Variants in CDKAL1 observed in about 807,000 individuals in gnomAD.
CDKAL1 encodes the protein CDKAL1 threonylcarbamoyladenosine tRNA methylthiotransferase.
CDKAL1 carries 32 observed loss-of-function variants against 68.2 expected under a neutral mutation model. The ratio of observed to expected loss-of-function variants is 0.47; its 90% CI spans 0.35 to 0.63. The LOEUF (loss-of-function observed/expected upper bound fraction) is 0.63, where lower values mean the gene tolerates loss of function less well. Ranked by LOEUF, CDKAL1 falls within the 30% of genes least tolerant of loss-of-function variation. The pLI, the probability that CDKAL1 is intolerant of heterozygous loss-of-function variation, is 0.00. For synonymous variants in CDKAL1, 234 were observed against 244.3 expected, an observed-to-expected ratio of 0.96 and a Z score of 0.39; for missense variants, 606 against 696.7, an observed-to-expected ratio of 0.87 and a Z score of 1.47.
intron 7 of CDKAL1, among the ~76,000 whole-genome samples, chr6:20,775,384 C>T (rs1051309558): frequency 6.6e-6 from 1 of 152,150 alleles, no homozygotes; most frequent in Non-Finnish European, 1.5e-5. Flanking sequence ...ACAGTAGTCA[C>T]AAAACAAACC....
intron 9 of CDKAL1, among the ~76,000 whole-genome samples, chr6:20,857,768 G>A (rs1475047812): frequency 6.6e-6 from 1 of 152,190 alleles, no homozygotes; most frequent in African/African-American, 2.4e-5. Flanking sequence ...CCATTTATGT[G>A]AGCTAATAAA....
Position 21,069,766 on chromosome 6 carries a change from TTTTC to T in CDKAL1, c.1236+4546_1236+4549del, listed in dbSNP as rs1273879997. 2.4e-3 allele frequency among the ~76,000 whole-genome samples: 262 copies of T among 109,640 alleles called. 15 individuals carry two copies. Among genetic ancestry groups the T allele is most frequent in the East Asian group, 0.024 (56 of 2,354 alleles). 71.9% of individuals were successfully genotyped at this position (109,640 alleles called of 152,430 possible). On this transcript the variant is annotated intron_variant, in intron 12 of 15. Coordinates refer to ENST00000274695, the MANE Select transcript of CDKAL1 (RefSeq NM_017774.3). ...GAATTGCCCAATAAAATCCCCCAGA[TTTTC>T]TTTCTTTTTTTTTTTTTTTTTTTTT...
At chr6:21,081,255 G>T (rs1772384347) in intron 12 of CDKAL1, among the ~76,000 whole-genome samples, 1 of 152,144 alleles carries the variant, frequency 6.6e-6, no homozygotes, top group African/African-American at 2.4e-5. Context: ...CTGAAAGGTG[G>T]CAGGTATTAG....
chr6:20,582,308 C>T (rs1205835218), intron 4 of CDKAL1, among the ~76,000 whole-genome samples: 2 of 152,002 alleles, frequency 1.3e-5, no homozygotes, highest in East Asian at 3.9e-4. Flanking sequence ...CCTCCATTTT[C>T]CCAATGAGAA....
intron 4 of CDKAL1, among the ~76,000 whole-genome samples, chr6:20,608,033 A>G (rs549520672): frequency 4.9e-4 from 74 of 152,318 alleles, no homozygotes; most frequent in African/African-American, 1.7e-3. Context: ...AGCTCAGGGT[A>G]CTTACATCTG....
chr6:20,766,024 G>C lies in CDKAL1; in HGVS notation c.517+7381G>C, dbSNP rs549857501. 6.6e-4 allele frequency among the ~76,000 whole-genome samples: 100 copies of C among 152,202 alleles called. 2 individuals carry two copies. Among genetic ancestry groups the C allele is most frequent in the Non-Finnish European group, 4.6e-4 (31 of 68,014 alleles). On this transcript the variant is annotated intron_variant, in intron 7 of 15. Coordinates refer to ENST00000274695, the MANE Select transcript of CDKAL1 (RefSeq NM_017774.3). ...ACTTTACATTTATCAAGTATTTTTA[G>C]CCATTAAGGCTTTTAGAACACAAAT...
intron 11 of CDKAL1, among the ~76,000 whole-genome samples, chr6:21,034,893 G>C (rs1252592453): frequency 6.6e-6 from 1 of 152,012 alleles, no homozygotes; most frequent in Non-Finnish European, 1.5e-5. Flanking sequence ...AAAGGCACAA[G>C]GTGTAAAAAT....
rs114725570 is a variant in CDKAL1, at chr6:20,969,507, G to A, written c.909+13922G>A. 9.0e-3 allele frequency among the ~76,000 whole-genome samples: 1,363 copies of A among 152,166 alleles called. 20 individuals carry two copies. Among genetic ancestry groups the A allele is most frequent in the African/African-American group, 0.031 (1,298 of 41,494 alleles). Reference sequence around the variant, plus strand: ...AAAGAATATCTATGTATAAGTGAATGCACACAGTACAAACCCGTGTTTTTA... The same window carrying A: ...AAAGAATATCTATGTATAAGTGAATACACACAGTACAAACCCGTGTTTTTA... On this transcript the variant is annotated intron_variant, in intron 10 of 15. Transcript: ENST00000274695.
chr6:20,780,905 C>T (rs1775398149), intron 7 of CDKAL1, among the ~76,000 whole-genome samples: 1 of 152,090 alleles, frequency 6.6e-6, no homozygotes, highest in Non-Finnish European at 1.5e-5. Context: ...AACTCCTGAC[C>T]TCAGGTGATC....
rs193263416 is a variant in CDKAL1, at chr6:20,823,042, A to T, written c.639-23033A>T. Among the ~76,000 whole-genome samples the T allele has an allele frequency of 3.2e-3, 482 of 152,248 alleles. 9 individuals carry two copies. The highest frequency in any genetic ancestry group is 0.029 in the Admixed American group (446 of 15,282). On this transcript the variant is annotated intron_variant, in intron 8 of 15. Transcript: ENST00000274695. ...CTGTCTTAATAACTCCTACTCTCTA[A>T]TAAGCACACGTACACATTCTCGTTT...
intron 7 of CDKAL1, among the ~76,000 whole-genome samples, chr6:20,765,591 T>G (rs976103622): frequency 9.2e-5 from 14 of 152,206 alleles, no homozygotes; most frequent in African/African-American, 3.1e-4. Flanking sequence ...ACATTATTTC[T>G]AGGATGAACT....
At chr6:21,045,486 G>C (rs776564190) in intron 11 of CDKAL1, among the ~76,000 whole-genome samples, 3 of 152,094 alleles carry the variant, frequency 2.0e-5, no homozygotes, top group Non-Finnish European at 4.4e-5. Flanking sequence ...TTCTACTCCC[G>C]TGGGCACCTG....
chr6:20,837,401 ACT>A (rs1269596921), intron 8 of CDKAL1, among the ~76,000 whole-genome samples: 3 of 152,050 alleles, frequency 2.0e-5, no homozygotes, highest in South Asian at 2.1e-4. Flanking sequence ...AGCCTCAACC[ACT>A]GTTTCCTGTG....
intron 5 of CDKAL1, among the ~76,000 whole-genome samples, chr6:20,666,423 C>A (rs1388575588): frequency 6.6e-6 from 1 of 151,604 alleles, no homozygotes; most frequent in Non-Finnish European, 1.5e-5. Flanking sequence ...TATATCTGCC[C>A]CTTGATTTAG....
chr6:20,797,478 C>T (rs1334823575), intron 8 of CDKAL1, among the ~76,000 whole-genome samples: 5 of 152,188 alleles, frequency 3.3e-5, no homozygotes, highest in Non-Finnish European at 5.9e-5. Flanking sequence ...ATATGACGAA[C>T]GTCCTACTTT....
chr6:20,657,083 T>A (rs1769060858), intron 5 of CDKAL1, among the ~76,000 whole-genome samples: 1 of 152,188 alleles, frequency 6.6e-6, no homozygotes, highest in African/African-American at 2.4e-5. Flanking sequence ...GGATTACTCT[T>A]GTCAAGCATT....
intron 9 of CDKAL1, among the ~76,000 whole-genome samples, chr6:20,861,364 C>T (rs1318531408): frequency 6.6e-6 from 1 of 152,196 alleles, no homozygotes; most frequent in Non-Finnish European, 1.5e-5. Context: ...ACTTGGAGTG[C>T]TGGATTTGAC....
chr6:20,733,627 C>G (rs1773056787), intron 5 of CDKAL1, among the ~76,000 whole-genome samples: 2 of 152,076 alleles, frequency 1.3e-5, no homozygotes, highest in African/African-American at 4.8e-5. Flanking sequence ...TTTTGATTGG[C>G]CAACACAGCT....
At chr6:20,853,002 G>C (rs1489719328) in intron 9 of CDKAL1, among the ~76,000 whole-genome samples, 1 of 152,204 alleles carries the variant, frequency 6.6e-6, no homozygotes, top group African/African-American at 2.4e-5. Context: ...TAAGGCCTCT[G>C]CTGCAACTAT....
Sources: allele counts gnomAD v4.1 joint callset (sites outside exome capture counted in the v4.1 genomes callset), GRCh38; gene constraint gnomAD v4.1.1; transcripts MANE v1.5; gene names NCBI Gene and HGNC (gene_info 2026-07-23, HGNC 2026-07-21).